The following RIMBP2 variants were observed in gnomAD, a reference collection of about 807,000 sequenced individuals.
The protein encoded by RIMBP2 is RIMS-binding protein 2.
Under a neutral mutation model 118.6 loss-of-function variants are expected in RIMBP2, and 48 were observed. The ratio of observed to expected loss-of-function variants is 0.40; its 90% CI spans 0.32 to 0.51. The LOEUF (loss-of-function observed/expected upper bound fraction) is 0.51, where lower values mean the gene tolerates loss of function less well. Among genes scored for constraint, RIMBP2 ranks in the 20% least tolerant of loss-of-function variants. The pLI is 0.41. For missense variants in RIMBP2, 1,551 were observed against 1,768.3 expected (o/e 0.88, Z 2.20); for synonymous variants, 762 against 742.9 (o/e 1.03, Z -0.42).
chr12:130,581,561 G>A lies in RIMBP2; in HGVS notation c.-217+46761C>T, dbSNP rs371509942. Among the ~76,000 whole-genome samples, 1 of 152,132 alleles carries A rather than the reference G, an allele frequency of 6.6e-6. No homozygotes were observed. The highest frequency in any genetic ancestry group is 1.5e-5 in the Non-Finnish European group (1 of 68,024). On this transcript the variant is annotated intron_variant, in intron 2 of 22. Transcript: ENST00000690449. The surrounding 1 kb of genome is among the most constrained non-coding windows in gnomAD (Gnocchi z 4.4). The stretch of plus-strand genomic sequence containing the variant: ...AGTCTCCCCACCCCACAGCCCTCCC[G>A]TGCCAGTAGGTGGCAATTCCAGGCT...
At chr12:130,597,722 A>C (rs2059639893) in intron 2 of RIMBP2, among the ~76,000 whole-genome samples, 1 of 152,252 alleles carries the variant, frequency 6.6e-6, no homozygotes, top group Admixed American at 6.5e-5. Context: ...CAGCAACATG[A>C]TAAGAGAAAG....
chr12:130,504,978 T>C (rs1363300516), intron 4 of RIMBP2, among the ~76,000 whole-genome samples: 2 of 152,196 alleles, frequency 1.3e-5, no homozygotes, highest in African/African-American at 4.8e-5. Context: ...GCTAAGCTCC[T>C]TCCTCCCAGG....
chr12:130,525,870 G>GAA lies in RIMBP2; in HGVS notation c.-216-7954_-216-7953insTT, dbSNP rs1316468597. 1.6e-4 allele frequency among the ~76,000 whole-genome samples: 25 copies of GAA among 152,122 alleles called. No individual in the cohort carries two copies. The highest frequency in any genetic ancestry group is 2.8e-4 in the Non-Finnish European group (19 of 68,038). ...GGCAGACATTCTTGCTATCCTGCTTGTCAAGGGAAGAAATTCAAGCTCAAG... is the reference window on the plus strand; with the variant it reads ...GGCAGACATTCTTGCTATCCTGCTTGAATCAAGGGAAGAAATTCAAGCTCAAG... On this transcript the variant is annotated intron_variant, in intron 2 of 22. Transcript: ENST00000690449. The surrounding 1 kb of genome is among the most constrained non-coding windows in gnomAD (Gnocchi z 4.4).
Position 130,621,132 on chromosome 12 carries a change from G to A in RIMBP2, c.-217+7190C>T, listed in dbSNP as rs188496924. ...CACCCTGGGAGCTGGTCATTCCTACGTGGAAAGTGACCTTAGGTGAGTTGG... is the reference window on the plus strand; with the variant it reads ...CACCCTGGGAGCTGGTCATTCCTACATGGAAAGTGACCTTAGGTGAGTTGG... On this transcript the variant is annotated intron_variant, in intron 2 of 22. Transcript: ENST00000690449. This position sits in a 1 kb window ranked among gnomAD's most constrained non-coding sequence, Gnocchi z 6.6. Among the ~76,000 whole-genome samples the A allele has an allele frequency of 3.3e-4, 51 of 152,244 alleles. No homozygotes were observed. The highest frequency in any genetic ancestry group is 1.0e-3 in the African/African-American group (43 of 41,540).
At chr12:130,654,455 T>C (rs1420009654) in intron 1 of RIMBP2, among the ~76,000 whole-genome samples, 3 of 152,220 alleles carry the variant, frequency 2.0e-5, no homozygotes, top group African/African-American at 7.2e-5. Flanking sequence ...TGAGACCACA[T>C]CAGCCTGGAC....
At chr12:130,567,541 G>C (rs912422722) in intron 2 of RIMBP2, among the ~76,000 whole-genome samples, 5 of 152,200 alleles carry the variant, frequency 3.3e-5, no homozygotes, top group African/African-American at 1.2e-4. Context: ...ACGGGGGAGA[G>C]GGAGGAGGGA....
chr12:130,494,408 G>C (rs1390513614), intron 4 of RIMBP2, among the ~76,000 whole-genome samples: 1 of 152,126 alleles, frequency 6.6e-6, no homozygotes, highest in East Asian at 1.9e-4. Flanking sequence ...GGAGGCCAAG[G>C]CAGGCAGATC....
chr12:130,682,283 G>A lies in RIMBP2; in HGVS notation c.-352+33939C>T, dbSNP rs143604222. Among the ~76,000 whole-genome samples, 15 of 152,260 alleles carry A rather than the reference G, an allele frequency of 9.9e-5. No homozygotes were observed. The East Asian group carries it at 1.5e-3, about 16-fold the overall frequency. Reference sequence around the variant, plus strand: ...GTCTGCTCTCCCTTCCCCTACTGCCGGCTGGATGCTGGGGCCTCTGGGGCC... The same window carrying A: ...GTCTGCTCTCCCTTCCCCTACTGCCAGCTGGATGCTGGGGCCTCTGGGGCC... On this transcript the variant is annotated intron_variant, in intron 1 of 22. Coordinates refer to ENST00000690449, the MANE Select transcript of RIMBP2 (RefSeq NM_001393629.1).
intron 21 of RIMBP2, among the ~76,000 whole-genome samples, chr12:130,404,942 T>C (rs561678845): frequency 6.6e-6 from 1 of 152,328 alleles, no homozygotes; most frequent in East Asian, 1.9e-4. Context: ...TTTTTTATTA[T>C]TAAAAAATGA....
intron 14 of RIMBP2, among the ~76,000 whole-genome samples, chr12:130,432,606 T>C (rs1369253946): frequency 1.3e-5 from 2 of 152,172 alleles, no homozygotes; most frequent in Non-Finnish European, 2.9e-5. Flanking sequence ...ATAGGACTAT[T>C]TTCCTTATAA....
At chr12:130,712,578 C>T (rs924701218) in intron 1 of RIMBP2, among the ~76,000 whole-genome samples, 1 of 152,212 alleles carries the variant, frequency 6.6e-6, no homozygotes, top group African/African-American at 2.4e-5. Context: ...GCCATGCCTG[C>T]TGTCGGATCC....
At chr12:130,686,990 C>T (rs1566457046) in intron 1 of RIMBP2, among the ~76,000 whole-genome samples, 1 of 152,234 alleles carries the variant, frequency 6.6e-6, no homozygotes, top group Non-Finnish European at 1.5e-5. Context: ...CAAAGCGCAG[C>T]GATTAGAGAC....
At chr12:130,415,303 A>G (rs1157042138) in intron 17 of RIMBP2, among the ~76,000 whole-genome samples, 1 of 152,224 alleles carries the variant, frequency 6.6e-6, no homozygotes, top group African/African-American at 2.4e-5. Context: ...CAAAAACCAT[A>G]TGATTATCTC....
At chr12:130,408,998 C>A (rs1291248592) in intron 19 of RIMBP2, among the ~76,000 whole-genome samples, 4 of 149,466 alleles carry the variant, frequency 2.7e-5, no homozygotes, top group Non-Finnish European at 6.0e-5. Context: ...CTCTGCAGGA[C>A]CTGCACATGT....
At chr12:130,568,634 C>T (rs1275528272) in intron 2 of RIMBP2, among the ~76,000 whole-genome samples, 1 of 152,246 alleles carries the variant, frequency 6.6e-6, no homozygotes, top group Middle Eastern at 3.2e-3. Context: ...TGAACAGCCC[C>T]TTTGCCAACT....
intron 2 of RIMBP2, among the ~76,000 whole-genome samples, chr12:130,547,247 C>T (rs1466734820): frequency 1.3e-5 from 2 of 152,128 alleles, no homozygotes; most frequent in Admixed American, 6.5e-5. Context: ...AGTGTGCATA[C>T]GCTCACACAG....
intron 1 of RIMBP2, among the ~76,000 whole-genome samples, chr12:130,658,984 C>T (rs1468114442): frequency 3.3e-5 from 5 of 152,060 alleles, no homozygotes; most frequent in Non-Finnish European, 7.4e-5. Context: ...ATGCCAACCT[C>T]CCTTCCTCCA....
intron 2 of RIMBP2, among the ~76,000 whole-genome samples, chr12:130,602,643 T>C (rs1042806933): frequency 9.2e-5 from 14 of 152,208 alleles, no homozygotes; most frequent in African/African-American, 3.4e-4. Context: ...AACGTGTACT[T>C]TGATCATTGT....
At position 130,434,700 on chromosome 12, in the gene RIMBP2, C is replaced by G. The variant is rs770482006; in HGVS notation, c.2253+34G>C. 1.3e-6 allele frequency: 2 copies of G among 1,595,886 alleles called. No homozygotes were observed. Among genetic ancestry groups the G allele is most frequent in the Non-Finnish European group, 1.7e-6 (2 of 1,171,916 alleles). Reference sequence around the variant, plus strand: ...GGGCCCGCTCCGAGCCCGCGCCCACCAGGAGGATGGTGTGGGGCCCGGCCC... The same window carrying G: ...GGGCCCGCTCCGAGCCCGCGCCCACGAGGAGGATGGTGTGGGGCCCGGCCC... On this transcript the variant is annotated intron_variant, in intron 14 of 22. Transcript: ENST00000690449. The surrounding 1 kb of genome is among the most constrained non-coding windows in gnomAD (Gnocchi z 5.7).
Sources: gnomAD v4.1 joint callset for allele counts (sites outside exome capture counted in the v4.1 genomes callset) on GRCh38, gnomAD v4.1.1 for gene constraint, Gnocchi (gnomAD v3.1) non-coding constraint, MANE v1.5 for transcripts, NCBI Gene and HGNC (gene_info 2026-07-23, HGNC 2026-07-21) for gene names.